BACE1: variants seen among roughly 807,000 people sequenced by gnomAD.
BACE1 encodes APP beta-secretase.
A neutral mutation model predicts 54.0 loss-of-function variants in BACE1; 21 were observed. The observed-to-expected ratio is 0.39, with a 90% CI of 0.28 to 0.56. The LOEUF (loss-of-function observed/expected upper bound fraction) is 0.56, where lower values mean the gene tolerates loss of function less well. Ranked by LOEUF, BACE1 falls within the 20% of genes least tolerant of loss-of-function variation. The pLI is 0.63. For missense variants in BACE1, 511 were observed against 661.2 expected (o/e 0.77, Z 2.49); for synonymous variants, 232 against 260.9 (o/e 0.89, Z 1.07).
In BACE1 at chr11:117,295,099, G is replaced by GTGC. The variant is rs1222126308; in HGVS notation, c.567+31_567+32insGCA. On this transcript the variant is annotated intron_variant, in intron 3 of 8. Transcript: ENST00000313005. ...TTCTCTGTATAGTGCAGTGTGCATAGAGTGTGTAGGGCCAAGCCCTGTTCC... is the reference window on the plus strand; with the variant it reads ...TTCTCTGTATAGTGCAGTGTGCATAGTGCAGTGTGTAGGGCCAAGCCCTGTTCC... The GTGC allele has an allele frequency of 3.2e-6, 5 of 1,577,906 alleles. No individual in the cohort carries two copies. In the African/African-American group the frequency reaches 6.7e-5, roughly 21 times the overall value.
intron 6 of BACE1, 118 bp from the exon 7 acceptor site, chr11:117,291,167 G>C: frequency 7.6e-7 from 1 of 1,310,776 alleles, no homozygotes; most frequent in Non-Finnish European, 1.0e-6. Context: ...TATCTAAAGT[G>C]GGGAGGGGTA....
chr11:117,304,664 T>A (rs2034792261), intron 1 of BACE1, among the ~76,000 whole-genome samples: 1 of 152,240 alleles, frequency 6.6e-6, no homozygotes. Flanking sequence ...CATTACACTT[T>A]AAATATCCTT....
chr11:117,306,724 T>C (rs527309065), intron 1 of BACE1, among the ~76,000 whole-genome samples: 3 of 152,070 alleles, frequency 2.0e-5, no homozygotes, highest in South Asian at 2.1e-4. Context: ...CGCTGGAGAA[T>C]TGCTTGAACC....
intron 1 of BACE1, among the ~76,000 whole-genome samples, chr11:117,308,320 C>T (rs539167713): frequency 1.8e-4 from 27 of 152,286 alleles, no homozygotes; most frequent in African/African-American, 6.5e-4. Flanking sequence ...TCTGTTCCCT[C>T]AAAGAACAAG....
At chr11:117,297,177 C>T (rs769835161) in intron 1 of BACE1, 58 of 513,720 alleles carry the variant, frequency 1.1e-4, no homozygotes, top group Non-Finnish European at 1.7e-4. Context: ...GAACACTTCC[C>T]CTGTGCCCTC....
At chr11:117,295,948 G>A (rs1591859208) in intron 2 of BACE1, among the ~76,000 whole-genome samples, 1 of 152,270 alleles carries the variant, frequency 6.6e-6, no homozygotes, top group East Asian at 1.9e-4. Context: ...TGTGTGTGGT[G>A]GGGGCAGTGA....
chr11:117,310,145 G>T (rs1285868322), intron 1 of BACE1, among the ~76,000 whole-genome samples: 1 of 152,062 alleles, frequency 6.6e-6, no homozygotes, highest in Non-Finnish European at 1.5e-5. Context: ...CCAGCCTCAG[G>T]TGATCCACCC....
At position 117,293,214 on chromosome 11, in the gene BACE1, C is replaced by G; in HGVS notation, c.706-26G>C. On this transcript the variant is annotated intron_variant, in intron 4 of 8. Coordinates refer to ENST00000313005, the MANE Select transcript of BACE1 (RefSeq NM_012104.6). This position sits in a 1 kb window ranked among gnomAD's most constrained non-coding sequence, Gnocchi z 4.1. ...CTAGGGAAAAAAAGAGGCAGGTACC[C>G]GTGTCCTGGCACAGAAGGAGAGTGA... is the stretch of plus-strand genomic sequence containing the variant. The G allele has an allele frequency of 6.2e-7, 1 of 1,610,396 alleles. No individual in the cohort carries two copies.
At chr11:117,313,443 ATT>A (rs2035000283) in intron 1 of BACE1, among the ~76,000 whole-genome samples, 2 of 151,610 alleles carry the variant, frequency 1.3e-5, no homozygotes, top group East Asian at 3.9e-4. Context: ...TTTTGTTTTT[ATT>A]TTTTCTGAGA....
chr11:117,315,831 C>A lies in BACE1; in HGVS notation c.-36G>T. On this transcript the variant is annotated 5_prime_UTR_variant, in exon 1 of 9. Coordinates refer to ENST00000313005, the MANE Select transcript of BACE1 (RefSeq NM_012104.6). This position sits in a 1 kb window ranked among gnomAD's most constrained non-coding sequence, Gnocchi z 5.5. ...GGCCTTCGGGCCCTCTGGGCTCGCA[C>A]TGGCCCACGTCCGTCCCTGGCGCCT... 1 of 1,384,924 alleles carries A rather than the reference C, an allele frequency of 7.2e-7. No individual in the cohort carries two copies. The highest frequency in any genetic ancestry group is 9.3e-7 in the Non-Finnish European group (1 of 1,078,700). 85.8% of individuals were successfully genotyped at this position (1,384,924 alleles called of 1,614,324 possible). A position where few individuals can be genotyped will look rare whatever the true frequency, so the allele number is the denominator to read the frequency against.
intron 1 of BACE1, among the ~76,000 whole-genome samples, chr11:117,312,116 G>T (rs2034955433): frequency 6.6e-6 from 1 of 151,990 alleles, no homozygotes; most frequent in Non-Finnish European, 1.5e-5. Context: ...AACTTATCTG[G>T]TCTTAGCCTA....
chr11:117,289,910 T>C (rs1429669952), intron 8 of BACE1, 103 bp from the exon 9 acceptor site: 1 of 1,000,020 alleles, frequency 1.0e-6, no homozygotes, highest in South Asian at 1.5e-5. Context: ...CATGCAGAAG[T>C]TATCTAATCT....
chr11:117,301,620 A>AG (rs1402255718), intron 1 of BACE1, among the ~76,000 whole-genome samples: 2 of 151,586 alleles, frequency 1.3e-5, no homozygotes, highest in African/African-American at 4.9e-5. Context: ...AAAAAAAAAA[A>AG]GGTCAAATTC....
chr11:117,295,395 T>C (rs2034572591), intron 2 of BACE1, 48 bp from the exon 3 acceptor site: 1 of 1,597,442 alleles, frequency 6.3e-7, no homozygotes, highest in Non-Finnish European at 8.5e-7. Flanking sequence ...ACAACTGGTA[T>C]AAGGATCTAA....
intron 2 of BACE1, 84 bp downstream of exon 2, chr11:117,296,789 T>C (rs2034611027): frequency 9.2e-7 from 1 of 1,081,938 alleles, no homozygotes; most frequent in Admixed American, 2.3e-5. Flanking sequence ...GGATCAACTC[T>C]TTCTCTCTGT....
intron 3 of BACE1, among the ~76,000 whole-genome samples, chr11:117,294,868 A>G (rs1449553247): frequency 6.6e-6 from 1 of 151,902 alleles, no homozygotes; most frequent in Non-Finnish European, 1.5e-5. Context: ...TTGGGCAACA[A>G]GAGTGAAACT....
At chr11:117,304,764 TCA>T (rs1412399949) in intron 1 of BACE1, among the ~76,000 whole-genome samples, 1 of 152,174 alleles carries the variant, frequency 6.6e-6, no homozygotes, top group Non-Finnish European at 1.5e-5. Flanking sequence ...TGTCTACCAC[TCA>T]CACTTTTAAT....
At chr11:117,297,653 A>G (rs561828322) in intron 1 of BACE1, among the ~76,000 whole-genome samples, 1 of 152,278 alleles carries the variant, frequency 6.6e-6, no homozygotes, top group African/African-American at 2.4e-5. Flanking sequence ...TTTGGCAAAA[A>G]TAGTTATGGG....
At chr11:117,304,510 C>G (rs1312873919) in intron 1 of BACE1, among the ~76,000 whole-genome samples, 1 of 152,230 alleles carries the variant, frequency 6.6e-6, no homozygotes, top group Admixed American at 6.5e-5. Context: ...AGGCACCAAC[C>G]ATAGGTCAAC....
Sources: allele counts gnomAD v4.1 joint callset (sites outside exome capture counted in the v4.1 genomes callset), GRCh38; gene constraint gnomAD v4.1.1; non-coding constraint Gnocchi (gnomAD v3.1); transcripts MANE v1.5; gene names NCBI Gene and HGNC (gene_info 2026-07-23, HGNC 2026-07-21).